ROBO1: variants seen among roughly 807,000 people sequenced by gnomAD.
ROBO1 encodes the protein roundabout homolog 1.
ROBO1 carries 149 observed loss-of-function variants against 195.9 expected under a neutral mutation model. The observed-to-expected ratio is 0.76, with a 90% CI of 0.67 to 0.87. The LOEUF (loss-of-function observed/expected upper bound fraction) is 0.87. Ranked by LOEUF, ROBO1 falls within the 40% of genes least tolerant of loss-of-function variation. The pLI, the probability that ROBO1 is intolerant of heterozygous loss-of-function variation, is 0.00. For synonymous variants in ROBO1, 816 were observed against 733.2 expected (o/e 1.11, Z -1.82); for missense variants, 1,933 against 2,068.3 (o/e 0.93, Z 1.27).
At chr3:79,008,252 T>G (rs1182241046) in intron 3 of ROBO1, among the ~76,000 whole-genome samples, 1 of 152,206 alleles carries the variant, frequency 6.6e-6, no homozygotes, top group African/African-American at 2.4e-5. Context: ...GTGGTCTATA[T>G]GTACACAACT....
chr3:79,764,984 C>T (rs1704906328), intron 1 of ROBO1, among the ~76,000 whole-genome samples: 1 of 152,204 alleles, frequency 6.6e-6, no homozygotes, highest in South Asian at 2.1e-4. Context: ...CACTGGAAAT[C>T]ACTAACCTTC....
In ROBO1 at chr3:78,677,182, G is replaced by A. The variant is rs200807347; in HGVS notation, c.1343-6881C>T. Among the ~76,000 whole-genome samples the A allele has an allele frequency of 1.1e-3, 162 of 152,244 alleles. 2 individuals are homozygous for A. In the East Asian group the frequency reaches 0.028, roughly 27 times the overall value. On this transcript the variant is annotated intron_variant, in intron 10 of 30. Transcript: ENST00000464233. Reference sequence around the variant, plus strand: ...AGAGCTCCTGAAGGAAGTACTAAACGTGGAAAGGAACAACCAGTACCAGCC... The same window carrying A: ...AGAGCTCCTGAAGGAAGTACTAAACATGGAAAGGAACAACCAGTACCAGCC...
intron 3 of ROBO1, among the ~76,000 whole-genome samples, chr3:78,976,437 T>C (rs537954718): frequency 3.3e-5 from 5 of 152,194 alleles, no homozygotes; most frequent in Non-Finnish European, 7.3e-5. Flanking sequence ...ATCAGGAACC[T>C]ATGAGACTGG....
At chr3:79,125,875 G>C (rs927626299) in intron 2 of ROBO1, among the ~76,000 whole-genome samples, 1 of 152,180 alleles carries the variant, frequency 6.6e-6, no homozygotes, top group Admixed American at 6.5e-5. Flanking sequence ...AGGAGGGAGA[G>C]GGCAGGGTGG....
chr3:79,510,101 G>A (rs73114834), intron 2 of ROBO1, among the ~76,000 whole-genome samples: 10,107 of 152,138 alleles, frequency 0.066, 433 homozygotes, highest in East Asian at 0.17. Context: ...TCTAGGAAAT[G>A]GGGGCATTAA....
intron 1 of ROBO1, among the ~76,000 whole-genome samples, chr3:79,677,353 AG>A (rs1946813655): frequency 6.6e-6 from 1 of 151,970 alleles, no homozygotes; most frequent in Non-Finnish European, 1.5e-5. Flanking sequence ...CAAAAGAAAG[AG>A]GTTTAATAGA....
At chr3:78,614,187 G>T (rs1703973757) in intron 28 of ROBO1, among the ~76,000 whole-genome samples, 1 of 152,086 alleles carries the variant, frequency 6.6e-6, no homozygotes, top group African/African-American at 2.4e-5. Flanking sequence ...TTTATCTTTT[G>T]ATGCCCAAAA....
At chr3:79,590,714 C>A (rs1423355467) in intron 1 of ROBO1, among the ~76,000 whole-genome samples, 1 of 151,498 alleles carries the variant, frequency 6.6e-6, no homozygotes, top group African/African-American at 2.4e-5. Flanking sequence ...TAAAACAATA[C>A]TATTTAGAGA....
In ROBO1 at chr3:79,630,660, A is replaced by G. The variant is rs147669456; in HGVS notation, c.-50-40699T>C. ...ACAGAGCAATCAAGAAAGAAATAAA[A>G]GGCATCCAAATTATAAAAAAGAGTA... is the stretch of plus-strand genomic sequence containing the variant. On this transcript the variant is annotated intron_variant, in intron 1 of 30. Transcript: ENST00000464233. 1.4e-4 allele frequency among the ~76,000 whole-genome samples: 21 copies of G among 152,114 alleles called. No individual in the cohort carries two copies. In the East Asian group the frequency reaches 3.9e-3, roughly 28 times the overall value.
intron 1 of ROBO1, among the ~76,000 whole-genome samples, chr3:79,595,963 T>C (rs1325806321): frequency 1.3e-5 from 2 of 151,984 alleles, no homozygotes; most frequent in Non-Finnish European, 2.9e-5. Context: ...AGCCCCATTG[T>C]GGATTTTGCA....
intron 2 of ROBO1, among the ~76,000 whole-genome samples, chr3:79,336,732 G>A (rs2034685958): frequency 1.3e-5 from 2 of 152,160 alleles, no homozygotes; most frequent in South Asian, 4.1e-4. Flanking sequence ...ACCCAAGAAT[G>A]GTAGATACAT....
At chr3:79,318,349 C>A (rs1285960086) in intron 2 of ROBO1, among the ~76,000 whole-genome samples, 1 of 152,194 alleles carries the variant, frequency 6.6e-6, no homozygotes, top group Non-Finnish European at 1.5e-5. Flanking sequence ...CAGTTCACCA[C>A]AGTAGAATAA....
chr3:78,616,182 T>C (rs1258671310), intron 27 of ROBO1, among the ~76,000 whole-genome samples: 2 of 152,198 alleles, frequency 1.3e-5, no homozygotes, highest in African/African-American at 2.4e-5. Flanking sequence ...GTTTCGTCCA[T>C]TTAATAAACT....
At chr3:78,860,065 C>T (rs1451437088) in intron 4 of ROBO1, among the ~76,000 whole-genome samples, 2 of 142,098 alleles carry the variant, frequency 1.4e-5, no homozygotes, top group East Asian at 2.0e-4. Context: ...GGTGACAGAG[C>T]GAGACTTCGT....
chr3:79,375,105 A>C (rs1224230034), intron 2 of ROBO1, among the ~76,000 whole-genome samples: 2 of 152,214 alleles, frequency 1.3e-5, no homozygotes, highest in Non-Finnish European at 2.9e-5. Flanking sequence ...ACAAACACCC[A>C]CATTATAAAG....
intron 4 of ROBO1, among the ~76,000 whole-genome samples, chr3:78,756,150 G>A (rs1448305657): frequency 1.1e-4 from 17 of 151,858 alleles, no homozygotes; most frequent in Non-Finnish European, 8.8e-5. Context: ...ATACATGACC[G>A]CTAGTCATTG....
intron 2 of ROBO1, among the ~76,000 whole-genome samples, chr3:79,430,033 T>A (rs2038611564): frequency 2.0e-5 from 3 of 151,988 alleles, no homozygotes; most frequent in African/African-American, 7.2e-5. Context: ...TATTTGGTTT[T>A]CAAATTTAGC....
chr3:78,800,331 C>A (rs1282644779), intron 4 of ROBO1, among the ~76,000 whole-genome samples: 1 of 151,918 alleles, frequency 6.6e-6, no homozygotes, highest in Non-Finnish European at 1.5e-5. Context: ...ATTTCTGATC[C>A]CTTATTAAAT....
rs370484896 is a variant in ROBO1 at position 78,820,163 on chromosome 3, CG to C, written c.500-73264del. On this transcript the variant is annotated intron_variant, in intron 4 of 30. Transcript: ENST00000464233. ...TAAACGTGTTATCTGTTTGATTATA[CG>C]CAAATTTCTTTAAGACAGAGAACAA... is the stretch of plus-strand genomic sequence containing the variant. 3.1e-3 allele frequency among the ~76,000 whole-genome samples: 471 copies of C among 152,252 alleles called. 2 individuals are homozygous for C. Among genetic ancestry groups the C allele is most frequent in the African/African-American group, 9.5e-3 (393 of 41,554 alleles).
Sources: gnomAD v4.1 joint callset for allele counts (sites outside exome capture counted in the v4.1 genomes callset) on GRCh38, gnomAD v4.1.1 for gene constraint, MANE v1.5 for transcripts, NCBI Gene and HGNC (gene_info 2026-07-23, HGNC 2026-07-21) for gene names.